Variants in NACC2 observed in about 807,000 individuals in gnomAD.
The protein encoded by NACC2 is NACC family member 2.
In NACC2, 8 loss-of-function variants were observed where a neutral mutation model predicts 25.1. The ratio of observed to expected loss-of-function variants is 0.32; its 90% CI spans 0.19 to 0.57. The LOEUF is 0.57. NACC2 is among the 20% of genes least tolerant of loss of function. NACC2 has a pLI of 0.89. For missense variants in NACC2, 644 were observed against 650.2 expected (o/e 0.99, Z 0.10); for synonymous variants, 435 against 294.7 (o/e 1.48, Z -4.88).
chr9:136,050,088 G>A lies in NACC2; in HGVS notation c.434C>T (p.Pro145Leu). 1.3e-6 allele frequency: 1 copy of A among 747,008 alleles called. No homozygotes were observed. The highest frequency in any genetic ancestry group is 2.5e-5 in the East Asian group (1 of 40,458). 46.3% of individuals were successfully genotyped at this position (747,008 alleles called of 1,614,324 possible). Residue 145 changes from proline to leucine, a missense_variant, in exon 2 of 6, where the codon CCC (proline) becomes CTC (leucine). By Grantham distance (98) the Pro-to-Leu change is moderately conservative. Coordinates refer to ENST00000277554, the MANE Select transcript of NACC2 (RefSeq NM_144653.5). The part of the protein sequence containing the change: ...IEDAGSEPQS[P>L]CNQLQPAAAA... ...GGCGGCCGGCTGCAGCTGGTTGCAG[G>A]GGCTCTGGGGCTCGGAGCCGGCGTC...
chr9:136,044,333 A>C (rs1333202710), intron 2 of NACC2, among the ~76,000 whole-genome samples: 1 of 152,150 alleles, frequency 6.6e-6, no homozygotes, highest in Non-Finnish European at 1.5e-5. Context: ...TGGACAATAT[A>C]GCGAGACCCT....
chr9:136,074,167 A>G (rs1019217468), intron 1 of NACC2, among the ~76,000 whole-genome samples: 4 of 150,776 alleles, frequency 2.7e-5, no homozygotes, highest in Non-Finnish European at 5.9e-5. Flanking sequence ...TTAGCCAGGC[A>G]TGGCCAGGCG....
intron 1 of NACC2, among the ~76,000 whole-genome samples, chr9:136,076,418 T>C (rs942836490): frequency 6.6e-6 from 1 of 152,058 alleles, no homozygotes; most frequent in Non-Finnish European, 1.5e-5. Context: ...TCAAAGACAC[T>C]ATGCCGAGTG....
At position 136,022,242 on chromosome 9, in the gene NACC2, C is replaced by T. The variant is rs547606622; in HGVS notation, c.887-5813G>A. On this transcript the variant is annotated intron_variant, in intron 2 of 5. Transcript: ENST00000277554. This position sits in a 1 kb window ranked among gnomAD's most constrained non-coding sequence, Gnocchi z 4.4. The stretch of plus-strand genomic sequence containing the variant: ...AGGGGCAATGTGGGGGCACCACAGA[C>T]GGGTGACCAGGCCCGGGTGATGAGG... 2.0e-4 allele frequency among the ~76,000 whole-genome samples: 30 copies of T among 152,322 alleles called. No individual in the cohort carries two copies. The highest frequency in any genetic ancestry group is 3.2e-4 in the Non-Finnish European group (22 of 68,020).
intron 2 of NACC2, among the ~76,000 whole-genome samples, 181 bp downstream of exon 2, chr9:136,049,455 C>T (rs1160223210): frequency 6.6e-6 from 1 of 152,190 alleles, no homozygotes; most frequent in Non-Finnish European, 1.5e-5. Flanking sequence ...GAGTTCTTGT[C>T]TCATCCAGGA....
intron 1 of NACC2, among the ~76,000 whole-genome samples, chr9:136,079,519 G>A (rs572363308): frequency 1.2e-4 from 19 of 152,266 alleles, no homozygotes; most frequent in Non-Finnish European, 2.2e-4. Flanking sequence ...CTCCTCACCC[G>A]CAGGCATGGG....
Position 136,084,753 on chromosome 9 carries a change from C to T in NACC2, c.-60+10436G>A, listed in dbSNP as rs530719248. 6.6e-6 allele frequency among the ~76,000 whole-genome samples: 1 copy of T among 152,366 alleles called. No homozygotes were observed. Among genetic ancestry groups the T allele is most frequent in the East Asian group, 1.9e-4 (1 of 5,188 alleles). On this transcript the variant is annotated intron_variant, in intron 1 of 5. Transcript: ENST00000277554. This position sits in a 1 kb window ranked among gnomAD's most constrained non-coding sequence, Gnocchi z 5.1. Reference sequence around the variant, plus strand: ...CACACACACACATACATCACGCAGCCTGGAGAAGGGACGGGCTCCGCCACT... The same window carrying T: ...CACACACACACATACATCACGCAGCTTGGAGAAGGGACGGGCTCCGCCACT...
At chr9:136,088,514 C>G (rs1433148653) in intron 1 of NACC2, among the ~76,000 whole-genome samples, 1 of 152,158 alleles carries the variant, frequency 6.6e-6, no homozygotes, top group East Asian at 1.9e-4. Context: ...ATGGCCCAGT[C>G]CGTGGCCAGG....
At chr9:136,071,173 C>T (rs7039648) in intron 1 of NACC2, among the ~76,000 whole-genome samples, 68,762 of 150,884 alleles carry the variant, frequency 0.46, 16,713 homozygotes, top group Middle Eastern at 0.62. Flanking sequence ...GCAGACGTTG[C>T]GGTGAGCCAA....
At chr9:136,047,180 C>T (rs1023142616) in intron 2 of NACC2, among the ~76,000 whole-genome samples, 56 of 152,256 alleles carry the variant, frequency 3.7e-4, no homozygotes, top group African/African-American at 1.2e-3. Context: ...CAGCCTCCTG[C>T]GTGGGTGTGA....
intron 1 of NACC2, among the ~76,000 whole-genome samples, chr9:136,087,596 C>A (rs1245065285): frequency 5.9e-5 from 9 of 152,226 alleles, no homozygotes; most frequent in Non-Finnish European, 1.3e-4. Context: ...CTGCCTTGGG[C>A]TGGCCCTAGA....
chr9:136,092,028 G>A (rs577403379), intron 1 of NACC2, among the ~76,000 whole-genome samples: 18 of 152,322 alleles, frequency 1.2e-4, no homozygotes, highest in South Asian at 2.1e-4. Flanking sequence ...AAAGGGAAAC[G>A]AGATCCACCT....
intron 1 of NACC2, among the ~76,000 whole-genome samples, chr9:136,078,211 C>T (rs752067988): frequency 6.6e-6 from 1 of 152,224 alleles, no homozygotes; most frequent in Non-Finnish European, 1.5e-5. Context: ...TGCATACCCA[C>T]CACCTGGCAG....
At chr9:136,092,365 C>A (rs1389253012) in intron 1 of NACC2, among the ~76,000 whole-genome samples, 1 of 152,204 alleles carries the variant, frequency 6.6e-6, no homozygotes, top group Non-Finnish European at 1.5e-5. Flanking sequence ...CATCAGCCCC[C>A]AGTGAGACCA....
At chr9:136,064,314 A>G (rs1841054428) in intron 1 of NACC2, among the ~76,000 whole-genome samples, 1 of 152,202 alleles carries the variant, frequency 6.6e-6, no homozygotes, top group South Asian at 2.1e-4. Context: ...GTAAATCCTA[A>G]TCCTTAAAAA....
Position 136,018,264 on chromosome 9 carries a change from T to TG in NACC2, c.887-1836dup, listed in dbSNP as rs536080421. 6.0e-5 allele frequency among the ~76,000 whole-genome samples: 9 copies of TG among 150,696 alleles called. No homozygotes were observed. The highest frequency in any genetic ancestry group is 3.9e-4 in the East Asian group (2 of 5,076). On this transcript the variant is annotated intron_variant, in intron 2 of 5. Coordinates refer to ENST00000277554, the MANE Select transcript of NACC2 (RefSeq NM_144653.5). The surrounding 1 kb of genome is among the most constrained non-coding windows in gnomAD (Gnocchi z 4.4). Reference sequence around the variant, plus strand: ...ACAGGGGTGGCTGAGCCTCGGGGCGTGGGGGGGCTGCCAAGGGGGCTGCTG... The same window carrying TG: ...ACAGGGGTGGCTGAGCCTCGGGGCGTGGGGGGGGCTGCCAAGGGGGCTGCTG...
chr9:136,043,608 C>T (rs1014288399), intron 2 of NACC2, among the ~76,000 whole-genome samples: 15 of 152,300 alleles, frequency 9.8e-5, no homozygotes, highest in African/African-American at 9.6e-5. Flanking sequence ...TACCGCTGCA[C>T]GGTCTCACGC....
rs979859008 is a variant in NACC2 at position 136,068,662 on chromosome 9, A to G, written c.-59-18082T>C. The stretch of plus-strand genomic sequence containing the variant: ...AGCATGTGACTATATACTAAAAACC[A>G]CTAAATTATACAGTGTATGAGTGAA... On this transcript the variant is annotated intron_variant, in intron 1 of 5. Coordinates refer to ENST00000277554, the MANE Select transcript of NACC2 (RefSeq NM_144653.5). Among the ~76,000 whole-genome samples the G allele has an allele frequency of 1.4e-4, 22 of 151,878 alleles. 2 individuals carry two copies. Among genetic ancestry groups the G allele is most frequent in the African/African-American group, 5.1e-4 (21 of 41,150 alleles).
Position 136,009,367 on chromosome 9 carries a change from G to C in NACC2, c.*2149C>G, listed in dbSNP as rs566768771. 23 of 152,424 alleles carry C rather than the reference G, an allele frequency of 1.5e-4. No homozygotes were observed. The highest frequency in any genetic ancestry group is 5.3e-4 in the African/African-American group (22 of 41,584). The allele number at this position is 152,424 out of a possible 1,614,324, so 9.4% of individuals were successfully genotyped here. A position where few individuals can be genotyped will look rare whatever the true frequency, so the allele number is the denominator to read the frequency against. Reference sequence around the variant, plus strand: ...GGCAGAGAAAGGCTCCCTCTAGGCTGGGTGGTTCTTAGTTCAGCAGAAGGT... The same window carrying C: ...GGCAGAGAAAGGCTCCCTCTAGGCTCGGTGGTTCTTAGTTCAGCAGAAGGT... On this transcript the variant is annotated 3_prime_UTR_variant, in exon 6 of 6. Transcript: ENST00000277554.
Sources: allele counts gnomAD v4.1 joint callset (sites outside exome capture counted in the v4.1 genomes callset), GRCh38; gene constraint gnomAD v4.1.1; non-coding constraint Gnocchi (gnomAD v3.1); transcripts MANE v1.5; gene names NCBI Gene and HGNC (gene_info 2026-07-23, HGNC 2026-07-21).